ALOX5: variants seen among roughly 807,000 people sequenced by gnomAD.
ALOX5 encodes arachidonate 5-lipoxygenase, also known as polyunsaturated fatty acid 5-lipoxygenase.
Under a neutral mutation model 87.9 loss-of-function variants are expected in ALOX5, and 64 were observed. The ratio of observed to expected loss-of-function variants is 0.73; its 90% confidence interval spans 0.60 to 0.90. The LOEUF is 0.90. Among genes scored for constraint, ALOX5 ranks in the 40% least tolerant of loss-of-function variants. The probability of loss-of-function intolerance (pLI) is 0.00; values close to 1 mark genes in which losing one functional copy is unlikely to be tolerated. For missense variants in ALOX5, 822 were observed against 907.5 expected, an observed-to-expected ratio of 0.91 and a Z score of 1.21; for synonymous variants, 388 against 355.1, an observed-to-expected ratio of 1.09 and a Z score of -1.04.
intron 7 of ALOX5, among the ~76,000 whole-genome samples, chr10:45,438,391 A>G (rs1842123115): frequency 6.6e-6 from 1 of 152,198 alleles, no homozygotes; most frequent in South Asian, 2.1e-4. Flanking sequence ...ACAGCAAGGA[A>G]TATCTGCCTT....
chr10:45,443,317 C>A (rs1054950197), intron 10 of ALOX5, 99 bp from the exon 11 acceptor site: 40 of 1,579,440 alleles, frequency 2.5e-5, no homozygotes, highest in African/African-American at 4.0e-5. Context: ...TGAATGGGGA[C>A]GGGGTGGGGG....
In ALOX5 at chr10:45,443,818, A is replaced by T; in HGVS notation, c.1664A>T (p.Asn555Ile). The T allele has an allele frequency of 6.2e-7, 1 of 1,606,986 alleles. No individual in the cohort carries two copies. The highest frequency in any genetic ancestry group is 1.1e-5 in the South Asian group (1 of 89,914). ...GCCTCCGCCCAGCACGCCGCGGTCA[A>T]CTTCGGCCAGGTAGGCAGGGCCGGG... is the stretch of plus-strand genomic sequence containing the variant. The part of the protein sequence containing the change: ...FTASAQHAAV[N>I]FGQYDWCSWI... The change falls in exon 12 of 14, where the codon AAC (asparagine) becomes ATC (isoleucine). Residue 555 changes from asparagine to isoleucine, a missense_variant. Asn to Ile is a moderately radical substitution (Grantham distance 149, BLOSUM62 -3). Transcript: ENST00000374391.
At chr10:45,382,331 G>A in intron 1 of ALOX5, 152 bp from the exon 2 acceptor site, 1 of 722,044 alleles carries the variant, frequency 1.4e-6, no homozygotes, top group Non-Finnish European at 2.3e-6. Context: ...ACGAATGTCA[G>A]AGTATCTTGC....
At position 45,441,335 on chromosome 10, in the gene ALOX5, C is replaced by T. The variant is rs750284639; in HGVS notation, c.1186-9C>T. ...CCCCCTCTGAGGCCTCCTCCTCTCC[C>T]CTCCCCAGCTGCTGGTGGCACACGT... On this transcript the variant is annotated splice_polypyrimidine_tract_variant and intron_variant, in intron 8 of 13. Transcript: ENST00000374391. 1.4e-5 allele frequency: 23 copies of T among 1,612,984 alleles called. No homozygotes were observed. The highest frequency in any genetic ancestry group is 1.7e-4 in the Middle Eastern group (1 of 5,874).
intron 6 of ALOX5, 152 bp from the exon 7 acceptor site, chr10:45,428,466 C>T (rs1200579568): frequency 2.1e-6 from 2 of 957,584 alleles, no homozygotes; most frequent in Admixed American, 2.6e-5. Flanking sequence ...AATCAATCAG[C>T]CTTGGAGTCA....
chr10:45,441,051 AGCTGCCT>A (rs1461317636), intron 8 of ALOX5, among the ~76,000 whole-genome samples: 1 of 152,256 alleles, frequency 6.6e-6, no homozygotes, highest in Non-Finnish European at 1.5e-5. Context: ...CAAATAGTAC[AGCTGCCT>A]TACAGAATGA....
chr10:45,428,547 C>T, intron 6 of ALOX5, 71 bp from the exon 7 acceptor site: 1 of 1,590,094 alleles, frequency 6.3e-7, no homozygotes, highest in Admixed American at 1.7e-5. Context: ...GAGGTCATCA[C>T]TCTTTCCCCA....
chr10:45,426,146 T>G (rs1841696511), intron 6 of ALOX5, among the ~76,000 whole-genome samples: 1 of 152,270 alleles, frequency 6.6e-6, no homozygotes, highest in Non-Finnish European at 1.5e-5. Flanking sequence ...AATTGCTAGA[T>G]GTAGTAACAT....
intron 7 of ALOX5, among the ~76,000 whole-genome samples, chr10:45,439,328 G>C (rs1010841779): frequency 6.6e-6 from 1 of 152,094 alleles, no homozygotes; most frequent in Non-Finnish European, 1.5e-5. Context: ...GTGTGCTCTG[G>C]GACAGTTCTC....
In ALOX5 at chr10:45,410,726, G is replaced by A. The variant is rs574768134; in HGVS notation, c.432-1465G>A. Among the ~76,000 whole-genome samples the A allele has an allele frequency of 3.7e-4, 56 of 152,290 alleles. 1 individual carries two copies. In the South Asian group the frequency reaches 9.3e-3, roughly 25 times the overall value. Reference sequence around the variant, plus strand: ...AATGAAAAAGCTAAAACCCTAAAATGTAAAATCTGGTTTTTAAACAAACAC... The same window carrying A: ...AATGAAAAAGCTAAAACCCTAAAATATAAAATCTGGTTTTTAAACAAACAC... On this transcript the variant is annotated intron_variant, in intron 3 of 13. Coordinates refer to ENST00000374391, the MANE Select transcript of ALOX5 (RefSeq NM_000698.5).
intron 1 of ALOX5, among the ~76,000 whole-genome samples, chr10:45,377,670 A>G (rs1839671729): frequency 6.6e-6 from 1 of 151,760 alleles, no homozygotes; most frequent in African/African-American, 2.4e-5. Context: ...TCTGCTCTAC[A>G]GCTTCCTCCT....
chr10:45,443,979 C>G (rs893179690), intron 12 of ALOX5, 137 bp from the exon 13 acceptor site: 3 of 1,429,630 alleles, frequency 2.1e-6, no homozygotes, highest in African/African-American at 1.4e-5. Context: ...CAGCCAAGGG[C>G]GCTGGCCGCG....
At chr10:45,411,992 A>C (rs994512121) in intron 3 of ALOX5, among the ~76,000 whole-genome samples, 199 bp from the exon 4 acceptor site, 2 of 152,226 alleles carry the variant, frequency 1.3e-5, no homozygotes, top group African/African-American at 2.4e-5. Context: ...CTCAGGGCAC[A>C]GCAAAGTTGG....
At chr10:45,397,568 TACC>T (rs1840557800) in intron 3 of ALOX5, among the ~76,000 whole-genome samples, 1 of 152,118 alleles carries the variant, frequency 6.6e-6, no homozygotes, top group Non-Finnish European at 1.5e-5. Context: ...TAAGTAAAAC[TACC>T]ACAATTTACA....
intron 7 of ALOX5, among the ~76,000 whole-genome samples, chr10:45,437,049 A>T (rs1842081541): frequency 6.6e-6 from 1 of 152,212 alleles, no homozygotes; most frequent in Non-Finnish European, 1.5e-5. Flanking sequence ...TTGTTGGTGC[A>T]TAGAAATGCT....
At chr10:45,412,384 T>G in intron 4 of ALOX5, 71 bp downstream of exon 4, 1 of 1,581,770 alleles carries the variant, frequency 6.3e-7, no homozygotes, top group South Asian at 1.2e-5. Flanking sequence ...GAACCCTCAC[T>G]CCTTTCCTCA....
rs74128483 is a variant in ALOX5 at position 45,384,616 on chromosome 10, C to G, written c.349+1935C>G. 5.8e-3 allele frequency among the ~76,000 whole-genome samples: 879 copies of G among 152,206 alleles called. 8 individuals are homozygous for G. Among genetic ancestry groups the G allele is most frequent in the African/African-American group, 0.02 (819 of 41,536 alleles). On this transcript the variant is annotated intron_variant, in intron 2 of 13. Transcript: ENST00000374391. ...TGGTGTCCTCTGGGTGCCTGCATTT[C>G]TTACATGATGGCTGGCTTCCAAGAG...
chr10:45,394,194 A>G (rs1415794084), intron 2 of ALOX5, among the ~76,000 whole-genome samples: 1 of 152,234 alleles, frequency 6.6e-6, no homozygotes, highest in Non-Finnish European at 1.5e-5. Context: ...ATGCTACCTG[A>G]CTTCAAACTA....
chr10:45,427,844 G>A (rs1246820527), intron 6 of ALOX5, among the ~76,000 whole-genome samples: 2 of 152,120 alleles, frequency 1.3e-5, no homozygotes, highest in Non-Finnish European at 2.9e-5. Flanking sequence ...GTTGCGTGTC[G>A]AGGTGTGTTG....
Sources: allele counts gnomAD v4.1 joint callset (sites outside exome capture counted in the v4.1 genomes callset), GRCh38; gene constraint gnomAD v4.1.1; transcripts MANE v1.5; gene names NCBI Gene and HGNC (gene_info 2026-07-23, HGNC 2026-07-21).